The following RNF144A variants were observed in gnomAD, a reference collection of about 807,000 sequenced individuals.
RNF144A encodes the protein E3 ubiquitin-protein ligase RNF144A.
In RNF144A, 11 loss-of-function variants were observed where a neutral mutation model predicts 38.7. The ratio of observed to expected loss-of-function variants is 0.28; its 90% CI spans 0.18 to 0.47. The LOEUF (loss-of-function observed/expected upper bound fraction) is 0.47. RNF144A is among the 20% of genes least tolerant of loss of function. The pLI, the probability that RNF144A is intolerant of heterozygous loss-of-function variation, is 0.99. For synonymous variants in RNF144A, 149 were observed against 143.9 expected, an observed-to-expected ratio of 1.04 and a Z score of -0.25; for missense variants, 316 against 377.2, an observed-to-expected ratio of 0.84 and a Z score of 1.34.
chr2:6,984,083 G>T (rs911156030), intron 2 of RNF144A, among the ~76,000 whole-genome samples: 1 of 152,100 alleles, frequency 6.6e-6, no homozygotes, highest in Non-Finnish European at 1.5e-5. Context: ...GTGCATCGGG[G>T]TGCTCAGTGC....
intron 1 of RNF144A, among the ~76,000 whole-genome samples, chr2:6,935,396 A>AGC (rs1350034477): frequency 1.3e-5 from 2 of 152,168 alleles, no homozygotes; most frequent in Non-Finnish European, 2.9e-5. Flanking sequence ...CTCTCCTTGC[A>AGC]GCTCCCCGTT....
chr2:7,071,764 C>T (rs1201098442), downstream of RNF144A, among the ~76,000 whole-genome samples: 1 of 152,242 alleles, frequency 6.6e-6, no homozygotes, highest in African/African-American at 2.4e-5. Context: ...ACAAAACAGT[C>T]ATCTAGGTGT....
intron 2 of RNF144A, among the ~76,000 whole-genome samples, chr2:6,961,728 C>T (rs1406509502): frequency 6.6e-6 from 1 of 152,200 alleles, no homozygotes; most frequent in Admixed American, 6.5e-5. Flanking sequence ...ATTTCTTTCA[C>T]TCATAACAAC....
rs1673143568 is a variant in RNF144A at position 7,042,998 on chromosome 2, G to A, written c.*3238G>A. 1 of 515,226 alleles carries A rather than the reference G, an allele frequency of 1.9e-6. No individual in the cohort carries two copies. Among genetic ancestry groups the A allele is most frequent in the African/African-American group, 2.1e-5 (1 of 48,014 alleles). 31.9% of individuals were successfully genotyped at this position (515,226 alleles called of 1,614,324 possible). A position where few individuals can be genotyped will look rare whatever the true frequency, so the allele number is the denominator to read the frequency against. On this transcript the variant is annotated 3_prime_UTR_variant, in exon 9 of 9. Transcript: ENST00000320892. Reference sequence around the variant, plus strand: ...TTCTCCTGCCTCAGCCTCCCAAGTAGCTGGGATTACAGGCACCCACCACCT... The same window carrying A: ...TTCTCCTGCCTCAGCCTCCCAAGTAACTGGGATTACAGGCACCCACCACCT...
At chr2:6,957,470 C>A (rs1397940205) in intron 2 of RNF144A, among the ~76,000 whole-genome samples, 1 of 152,150 alleles carries the variant, frequency 6.6e-6, no homozygotes, top group Non-Finnish European at 1.5e-5. Context: ...GGATGTTGTG[C>A]GTACTAAGAG....
At chr2:6,946,548 G>A (rs1052535430) in intron 2 of RNF144A, among the ~76,000 whole-genome samples, 1 of 151,802 alleles carries the variant, frequency 6.6e-6, no homozygotes, top group Non-Finnish European at 1.5e-5. Context: ...TAAATATATA[G>A]TCAATGTAAA....
intron 7 of RNF144A, 139 bp downstream of exon 7, chr2:7,024,655 C>G: frequency 1.0e-6 from 1 of 977,970 alleles, no homozygotes; most frequent in Non-Finnish European, 1.5e-6. Context: ...TTTGGTGTTT[C>G]TCCTGGGTTT....
chr2:7,014,402 C>A, intron 3 of RNF144A, 52 bp from the exon 4 acceptor site: 1 of 1,210,296 alleles, frequency 8.3e-7, no homozygotes, highest in South Asian at 1.2e-5. Context: ...ATGGTTTCTT[C>A]AGCATTAAGG....
Position 7,020,893 on chromosome 2 carries a change from C to T in RNF144A, c.509+213C>T, listed in dbSNP as rs1671483715. 3 of 575,680 alleles carry T rather than the reference C, an allele frequency of 5.2e-6. No individual in the cohort carries two copies. In the South Asian group the frequency reaches 6.6e-5, roughly 13 times the overall value. The allele number at this position is 575,680 out of a possible 1,614,324, so 35.7% of individuals were successfully genotyped here. A position where few individuals can be genotyped will look rare whatever the true frequency, so the allele number is the denominator to read the frequency against. ...ACTATGTACCAGGCACTGTGTGAGG[C>T]CCTGGAAATAGAAAGGTGTGTGAGA... On this transcript the variant is annotated intron_variant, in intron 6 of 8. Coordinates refer to ENST00000320892, the MANE Select transcript of RNF144A (RefSeq NM_014746.6).
downstream of RNF144A, among the ~76,000 whole-genome samples, chr2:7,044,517 T>G (rs1673224804): frequency 2.0e-5 from 3 of 152,182 alleles, no homozygotes. Flanking sequence ...TCATCCCCAC[T>G]CAGGGCGCTC....
rs1290061436 is a variant in RNF144A at position 6,944,021 on chromosome 2, C to T, written c.-12+2874C>T. Among the ~76,000 whole-genome samples the T allele has an allele frequency of 1.3e-5, 2 of 152,074 alleles. No individual in the cohort carries two copies. The highest frequency in any genetic ancestry group is 2.9e-5 in the Non-Finnish European group (2 of 68,022). ...TGCAGGAGGTCAAGGATTGAGTGAT[C>T]TTTTGGCCAAGCTGAGAGGGACACA... On this transcript the variant is annotated intron_variant, in intron 2 of 8. Coordinates refer to ENST00000320892, the MANE Select transcript of RNF144A (RefSeq NM_014746.6). The surrounding 1 kb of genome is among the most constrained non-coding windows in gnomAD (Gnocchi z 4.7).
chr2:7,047,881 G>A (rs2103470977), downstream of RNF144A, among the ~76,000 whole-genome samples: 2 of 152,256 alleles, frequency 1.3e-5, no homozygotes, highest in East Asian at 3.9e-4. Context: ...TGCCACAAGT[G>A]ACACCAAGGA....
At chr2:7,064,085 T>C (rs1329095079) in intron 6 of RNF144A, among the ~76,000 whole-genome samples, 1 of 152,146 alleles carries the variant, frequency 6.6e-6, no homozygotes, top group Non-Finnish European at 1.5e-5. Flanking sequence ...AGGCTTGTGA[T>C]AACTAACCTG....
At chr2:7,055,196 A>G (rs1056773787) in intron 6 of RNF144A, among the ~76,000 whole-genome samples, 5 of 152,052 alleles carry the variant, frequency 3.3e-5, no homozygotes, top group African/African-American at 1.2e-4. Flanking sequence ...TTTGCAAATG[A>G]TGGAATTATT....
chr2:6,940,845 T>A (rs1665921049), intron 1 of RNF144A, 103 bp from the exon 2 acceptor site: 1 of 152,210 alleles, frequency 6.6e-6, no homozygotes, highest in African/African-American at 2.4e-5. Context: ...GGATAAGATT[T>A]CTAATGTCAG....
chr2:6,963,280 T>A lies in RNF144A; in HGVS notation c.-12+22133T>A, dbSNP rs370471667. ...TGAAATGTTTGTGTCCGTTTGGAGG[T>A]AGGTGAATCTCCAATGATTTGGGGG... On this transcript the variant is annotated intron_variant, in intron 2 of 8. Transcript: ENST00000320892. Among the ~76,000 whole-genome samples the A allele has an allele frequency of 1.9e-3, 282 of 152,274 alleles. 1 individual carries two copies. The highest frequency in any genetic ancestry group is 6.5e-3 in the African/African-American group (272 of 41,540).
intron 6 of RNF144A, among the ~76,000 whole-genome samples, chr2:7,057,890 A>C (rs552567435): frequency 6.6e-6 from 1 of 152,354 alleles, no homozygotes; most frequent in African/African-American, 2.4e-5. Flanking sequence ...TAGTCAGCAA[A>C]GAGGCAGTAG....
At chr2:6,986,124 C>T (rs1024453257) in intron 2 of RNF144A, among the ~76,000 whole-genome samples, 6 of 152,284 alleles carry the variant, frequency 3.9e-5, no homozygotes, top group African/African-American at 1.4e-4. Context: ...GCTTAGAGGA[C>T]TCCCGGAAGC....
chr2:7,022,703 G>A (rs1002563719), intron 6 of RNF144A, among the ~76,000 whole-genome samples: 1 of 152,136 alleles, frequency 6.6e-6, no homozygotes, highest in Non-Finnish European at 1.5e-5. Context: ...CACCAGATCC[G>A]GTGTCTCATG....
Sources: allele counts gnomAD v4.1 joint callset (sites outside exome capture counted in the v4.1 genomes callset), GRCh38; gene constraint gnomAD v4.1.1; non-coding constraint Gnocchi (gnomAD v3.1); transcripts MANE v1.5; gene names NCBI Gene and HGNC (gene_info 2026-07-23, HGNC 2026-07-21).